Variants in TENM3 observed in about 807,000 individuals in gnomAD.
TENM3 encodes teneurin transmembrane protein 3, also known as teneurin-3.
In TENM3, 63 loss-of-function variants were observed where a neutral mutation model predicts 255.1. The observed-to-expected ratio is 0.25, with a 90% confidence interval of 0.20 to 0.30. TENM3 has a LOEUF of 0.30. TENM3 is among the 10% of genes least tolerant of loss of function. The pLI, the probability that TENM3 is intolerant of heterozygous loss-of-function variation, is 1.00. For missense variants in TENM3, 2,929 were observed against 3,461.1 expected (o/e 0.85, Z 3.86); for synonymous variants, 1,306 against 1,322.3 (o/e 0.99, Z 0.27).
chr4:182,758,569 C>T (rs1366852124), intron 22 of TENM3, among the ~76,000 whole-genome samples: 4 of 152,118 alleles, frequency 2.6e-5, no homozygotes, highest in East Asian at 1.9e-4. Flanking sequence ...TCTGAATCCC[C>T]GTCGGAATGC....
the TENM3 span, among the ~76,000 whole-genome samples, chr4:182,099,130 T>A: frequency 2.0e-5 from 3 of 151,724 alleles, no homozygotes; most frequent in African/African-American, 7.3e-5. Flanking sequence ...CCCAGCTAAC[T>A]TTTTTTGTAT....
At chr4:182,746,501 G>C (rs894782428) in intron 19 of TENM3, among the ~76,000 whole-genome samples, 1 of 152,188 alleles carries the variant, frequency 6.6e-6, no homozygotes, top group Non-Finnish European at 1.5e-5. Context: ...AATCACGAGA[G>C]ATACAGGCAG....
At chr4:181,869,029 T>C in the TENM3 span, among the ~76,000 whole-genome samples, 1 of 152,138 alleles carries the variant, frequency 6.6e-6, no homozygotes, top group Non-Finnish European at 1.5e-5. Flanking sequence ...GCTGACCAAT[T>C]TTCTTATACT....
chr4:182,646,765 T>TA (rs1407660374), intron 5 of TENM3, among the ~76,000 whole-genome samples: 2 of 151,660 alleles, frequency 1.3e-5, no homozygotes, highest in African/African-American at 2.4e-5. Flanking sequence ...TACATAAAAA[T>TA]AAAAAAATTT....
intron 3 of TENM3, among the ~76,000 whole-genome samples, chr4:182,360,807 A>T (rs980681160): frequency 2.0e-5 from 3 of 151,870 alleles, no homozygotes; most frequent in Admixed American, 6.6e-5. Context: ...ATGCAGTTTC[A>T]TCCTAGTCTC....
At chr4:181,631,865 A>G in the TENM3 span, among the ~76,000 whole-genome samples, 1 of 152,172 alleles carries the variant, frequency 6.6e-6, no homozygotes, top group Admixed American at 6.5e-5. Context: ...TGTGGCATTC[A>G]CTGCTCTAGT....
intron 3 of TENM3, among the ~76,000 whole-genome samples, chr4:182,416,755 A>G (rs1278119979): frequency 6.6e-6 from 1 of 152,164 alleles, no homozygotes; most frequent in Non-Finnish European, 1.5e-5. Context: ...ACAGTTATGC[A>G]AAACATGCTC....
chr4:181,936,245 A>T, the TENM3 span, among the ~76,000 whole-genome samples: 390 of 152,190 alleles, frequency 2.6e-3, 3 homozygotes, highest in Middle Eastern at 0.02. Flanking sequence ...TACAAAAAAA[A>T]TAAGCTGGGC....
At chr4:181,862,673 T>C in the TENM3 span, among the ~76,000 whole-genome samples, 1 of 152,216 alleles carries the variant, frequency 6.6e-6, no homozygotes, top group African/African-American at 2.4e-5. Flanking sequence ...AAAAATGGAA[T>C]AAAAACGATG....
At chr4:181,602,588 G>T in the TENM3 span, among the ~76,000 whole-genome samples, 1 of 152,156 alleles carries the variant, frequency 6.6e-6, no homozygotes, top group African/African-American at 2.4e-5. Context: ...TGTGATGCTA[G>T]ACAAGTCATC....
chr4:182,591,709 A>G (rs139507616), intron 3 of TENM3, among the ~76,000 whole-genome samples: 250 of 152,336 alleles, frequency 1.6e-3, no homozygotes, highest in African/African-American at 5.8e-3. Context: ...TGAGAATTCT[A>G]GAAAAAATAA....
intron 1 of TENM3, among the ~76,000 whole-genome samples, chr4:182,296,929 T>C (rs975368274): frequency 3.3e-5 from 5 of 152,136 alleles, no homozygotes; most frequent in Non-Finnish European, 5.9e-5. Context: ...TAGATTTCCA[T>C]TGATTCGGAA....
chr4:181,868,093 A>G, the TENM3 span, among the ~76,000 whole-genome samples: 1 of 152,192 alleles, frequency 6.6e-6, no homozygotes, highest in African/African-American at 2.4e-5. Flanking sequence ...AATTTTTTGG[A>G]AGCATAATAT....
the TENM3 span, among the ~76,000 whole-genome samples, chr4:181,612,747 A>G: frequency 1.3e-5 from 2 of 152,222 alleles, no homozygotes; most frequent in Non-Finnish European, 2.9e-5. Context: ...TAACATACTA[A>G]TTGATTTTTC....
intron 4 of TENM3, among the ~76,000 whole-genome samples, chr4:182,613,645 C>G (rs980143780): frequency 5.9e-5 from 9 of 152,144 alleles, no homozygotes; most frequent in African/African-American, 1.7e-4. Flanking sequence ...TCTTAACACT[C>G]TCTAGAATTT....
the TENM3 span, among the ~76,000 whole-genome samples, chr4:181,860,637 G>A: frequency 2.6e-5 from 4 of 152,110 alleles, no homozygotes; most frequent in African/African-American, 9.7e-5. Flanking sequence ...TTGACGAAGG[G>A]CAGAGGCCCT....
chr4:181,851,026 A>T, the TENM3 span, among the ~76,000 whole-genome samples: 1 of 152,028 alleles, frequency 6.6e-6, no homozygotes, highest in East Asian at 1.9e-4. Flanking sequence ...GATGAATTGC[A>T]TTTTCAGTCT....
chr4:182,071,730 C>T, the TENM3 span, among the ~76,000 whole-genome samples: 5 of 152,186 alleles, frequency 3.3e-5, no homozygotes, highest in South Asian at 2.1e-4. Context: ...TATGAACATT[C>T]GAATTGTTCT....
At chr4:181,910,654 G>GTATGTA in the TENM3 span, among the ~76,000 whole-genome samples, 1 of 148,884 alleles carries the variant, frequency 6.7e-6, no homozygotes, top group Admixed American at 6.7e-5. Context: ...GTGTGTGTGT[G>GTATGTA]TATTTTAGAG....
Sources: allele counts gnomAD v4.1 joint callset (sites outside exome capture counted in the v4.1 genomes callset), GRCh38; gene constraint gnomAD v4.1.1; transcripts MANE v1.5; gene names NCBI Gene and HGNC (gene_info 2026-07-23, HGNC 2026-07-21).